Variants in COX10 observed in about 807,000 individuals in gnomAD.
The protein encoded by COX10 is protoheme IX farnesyltransferase, mitochondrial.
A neutral mutation model predicts 37.3 loss-of-function variants in COX10; 27 were observed. That is an observed-to-expected ratio of 0.72 (90% CI 0.53 to 1.00). COX10 has a LOEUF of 1.00. COX10 is among the 50% of genes least tolerant of loss of function. The pLI, the probability that COX10 is intolerant of heterozygous loss-of-function variation, is 0.00. For synonymous variants in COX10, 222 were observed against 229.1 expected, an observed-to-expected ratio of 0.97 and a Z score of 0.28; for missense variants, 475 against 563.2, an observed-to-expected ratio of 0.84 and a Z score of 1.59.
chr17:14,069,630 T>G lies in COX10; in HGVS notation c.25T>G (p.Ser9Ala). 1 of 1,613,984 alleles carries G rather than the reference T, an allele frequency of 6.2e-7. No homozygotes were observed. Among genetic ancestry groups the G allele is most frequent in the Non-Finnish European group, 8.5e-7 (1 of 1,179,974 alleles). The change falls in exon 1 of 7, where the codon TCC becomes GCC. Residue 9 changes from serine to alanine, a missense_variant. Around this residue, in one of 5 missense-constraint regions of COX10, gnomAD observed 242 missense variants for 242.5 expected, o/e 1.00. Coordinates refer to ENST00000261643, the MANE Select transcript of COX10 (RefSeq NM_001303.4). ...TATGGCCGCATCTCCGCACACTCTCTCCTCACGCCTCCTGACAGGTACTGT... is the reference window on the plus strand; with the variant it reads ...TATGGCCGCATCTCCGCACACTCTCGCCTCACGCCTCCTGACAGGTACTGT... MAASPHTL[S>A]SRLLTGCVGG... is the part of the protein sequence containing the mutation.
At chr17:14,205,567 T>TA (rs1191082422) in intron 6 of COX10, among the ~76,000 whole-genome samples, 6 of 152,138 alleles carry the variant, frequency 3.9e-5, no homozygotes, top group Non-Finnish European at 5.9e-5. Flanking sequence ...GCTTACCCCA[T>TA]AGTAGGCGCC....
chr17:14,207,351 G>A lies in COX10; in HGVS notation c.*138G>A, dbSNP rs555034592. 3.4e-6 allele frequency: 3 copies of A among 891,748 alleles called. No homozygotes were observed. The highest frequency in any genetic ancestry group is 1.7e-5 in the African/African-American group (1 of 57,454). 55.2% of individuals were successfully genotyped at this position (891,748 alleles called of 1,614,324 possible). ...TTCGGTGCTCAGTGATCACTTGACA[G>A]TTTTTTTTTTTTTTAAATATTACCC... On this transcript the variant is annotated 3_prime_UTR_variant, in exon 7 of 7. Coordinates refer to ENST00000261643, the MANE Select transcript of COX10 (RefSeq NM_001303.4).
intron 4 of COX10, among the ~76,000 whole-genome samples, chr17:14,105,881 CATAT>C (rs1915880969): frequency 6.6e-6 from 1 of 151,738 alleles, no homozygotes; most frequent in African/African-American, 2.4e-5. Flanking sequence ...ATATATATAA[CATAT>C]ATAAAACATA....
In COX10 at chr17:14,147,129, A is replaced by G. The variant is rs541466034; in HGVS notation, c.625-12748A>G. On this transcript the variant is annotated intron_variant, in intron 4 of 6. Coordinates refer to ENST00000261643, the MANE Select transcript of COX10 (RefSeq NM_001303.4). ...TAACAATAGAGCTGCCATATGATCC[A>G]GCACTTCCACTGCTAGGTATATACC... 7.2e-5 allele frequency among the ~76,000 whole-genome samples: 11 copies of G among 152,324 alleles called. No homozygotes were observed. In the South Asian group the frequency reaches 2.3e-3, roughly 32 times the overall value.
In COX10 at chr17:14,192,294, C is replaced by T. The variant is rs1012210124; in HGVS notation, c.928+73C>T. The stretch of plus-strand genomic sequence containing the variant: ...GAGGCATTTCCTCCCTGAGCTGTAG[C>T]ACTTGGTTCGATTCCATTCCATCCC... On this transcript the variant is annotated intron_variant, in intron 6 of 6. Transcript: ENST00000261643. 1.9e-6 allele frequency: 3 copies of T among 1,613,806 alleles called. No homozygotes were observed. The African/African-American group carries it at 4.0e-5, about 22-fold the overall frequency.
chr17:14,150,255 G>A (rs1904852997), intron 4 of COX10, among the ~76,000 whole-genome samples: 1 of 151,312 alleles, frequency 6.6e-6, no homozygotes, highest in Non-Finnish European at 1.5e-5. Context: ...CTGGGCAACA[G>A]AGTAAAACCC....
intron 4 of COX10, among the ~76,000 whole-genome samples, chr17:14,135,897 T>C (rs1352057368): frequency 1.3e-5 from 2 of 152,070 alleles, no homozygotes; most frequent in South Asian, 2.1e-4. Context: ...CACCAAAAAG[T>C]GCTCTGTCAA....
intron 5 of COX10, among the ~76,000 whole-genome samples, chr17:14,188,158 T>C (rs1161916332): frequency 3.5e-5 from 5 of 144,730 alleles, no homozygotes; most frequent in Non-Finnish European, 7.5e-5. Context: ...AAAATGTTTA[T>C]CAGCCACATT....
At chr17:14,184,673 A>G (rs1905972826) in intron 5 of COX10, among the ~76,000 whole-genome samples, 1 of 152,242 alleles carries the variant, frequency 6.6e-6, no homozygotes, top group Admixed American at 6.5e-5. Flanking sequence ...TTGATAACAG[A>G]GCTAGTTCAC....
At chr17:14,206,499 G>A (rs1906703414) in intron 6 of COX10, among the ~76,000 whole-genome samples, 1 of 152,104 alleles carries the variant, frequency 6.6e-6, no homozygotes, top group Non-Finnish European at 1.5e-5. Flanking sequence ...GCCAGCGATG[G>A]TAAGCGTCCT....
intron 4 of COX10, among the ~76,000 whole-genome samples, chr17:14,153,202 G>A (rs1288922109): frequency 2.0e-5 from 3 of 152,112 alleles, no homozygotes; most frequent in Non-Finnish European, 2.9e-5. Context: ...TCCAAATAAG[G>A]TGATAGCAGA....
rs1916527378 is a variant in COX10, at chr17:14,134,146, C to T, written c.625-25731C>T. On this transcript the variant is annotated intron_variant, in intron 4 of 6. Coordinates refer to ENST00000261643, the MANE Select transcript of COX10 (RefSeq NM_001303.4). ...GTAGACTCCATGATGCCCTCAAATT[C>T]AACAAATGTTAATGCCTGAAGGAAA... 2.0e-5 allele frequency among the ~76,000 whole-genome samples: 3 copies of T among 151,580 alleles called. No individual in the cohort carries two copies. The South Asian group carries it at 6.2e-4, about 31-fold the overall frequency.
Position 14,192,893 on chromosome 17 carries a change from ATATG to A in COX10, c.928+675_928+678del, listed in dbSNP as rs1278230842. Among the ~76,000 whole-genome samples the A allele has an allele frequency of 7.2e-4, 110 of 152,172 alleles. 1 individual carries two copies. Among genetic ancestry groups the A allele is most frequent in the Middle Eastern group, 6.8e-3 (2 of 294 alleles). ...AGGAAGTGGTGAGGTTTCCTGCAAT[ATATG>A]TAAGTACATATTTTTCACATGAGAG... On this transcript the variant is annotated intron_variant, in intron 6 of 6. Transcript: ENST00000261643.
intron 3 of COX10, among the ~76,000 whole-genome samples, chr17:14,083,937 G>T (rs1202775485): frequency 6.6e-6 from 1 of 152,152 alleles, no homozygotes; most frequent in African/African-American, 2.4e-5. Flanking sequence ...CTGAAAAGCT[G>T]CAACACGTTT....
intron 4 of COX10, among the ~76,000 whole-genome samples, chr17:14,127,324 A>T (rs1224684043): frequency 6.6e-6 from 1 of 152,158 alleles, no homozygotes; most frequent in Non-Finnish European, 1.5e-5. Flanking sequence ...TATAACATTG[A>T]GACATTCTGA....
rs753047513 is a variant in COX10, at chr17:14,143,424, G to C, written c.625-16453G>C. 4.3e-4 allele frequency among the ~76,000 whole-genome samples: 66 copies of C among 152,080 alleles called. 1 individual carries two copies. Among genetic ancestry groups the C allele is most frequent in the Non-Finnish European group, 1.2e-4 (8 of 68,032 alleles). ...ATACATTTATGGAATTGATAAGAAA[G>C]TCTTTCAGGATTGTGGAGAAAATGG... is the stretch of plus-strand genomic sequence containing the variant. On this transcript the variant is annotated intron_variant, in intron 4 of 6. Coordinates refer to ENST00000261643, the MANE Select transcript of COX10 (RefSeq NM_001303.4).
intron 4 of COX10, 22 bp from the exon 5 acceptor site, chr17:14,159,855 T>C (rs1161722557): frequency 1.9e-6 from 3 of 1,578,878 alleles, no homozygotes; most frequent in Non-Finnish European, 2.6e-6. Context: ...ATGTTTTCTG[T>C]CTTTTTTCAT....
At chr17:14,094,763 T>G (rs1915606524) in intron 3 of COX10, among the ~76,000 whole-genome samples, 1 of 152,218 alleles carries the variant, frequency 6.6e-6, no homozygotes, top group African/African-American at 2.4e-5. Context: ...ATTTCACCTA[T>G]AATTTTATGA....
At chr17:14,169,800 C>T (rs532128006) in intron 5 of COX10, among the ~76,000 whole-genome samples, 1 of 152,306 alleles carries the variant, frequency 6.6e-6, no homozygotes, top group East Asian at 1.9e-4. Flanking sequence ...TGTTTGTCCT[C>T]ACCAAAACTT....
Sources: allele counts gnomAD v4.1 joint callset (sites outside exome capture counted in the v4.1 genomes callset), GRCh38; gene constraint gnomAD v4.1.1; regional missense constraint gnomAD v4.1.1; transcripts MANE v1.5; gene names NCBI Gene and HGNC (gene_info 2026-07-23, HGNC 2026-07-21).